ARRB1: variants seen among roughly 807,000 people sequenced by gnomAD.
The protein encoded by ARRB1 is beta-arrestin-1.
ARRB1 carries 21 observed loss-of-function variants against 56.8 expected under a neutral mutation model. That is an observed-to-expected ratio of 0.37 (90% CI 0.26 to 0.53). ARRB1 has a LOEUF of 0.53. Among genes scored for constraint, ARRB1 ranks in the 20% least tolerant of loss-of-function variants. ARRB1 has a pLI of 0.88. For missense variants in ARRB1, 424 were observed against 553.7 expected, an observed-to-expected ratio of 0.77 and a Z score of 2.35; for synonymous variants, 210 against 218.6, an observed-to-expected ratio of 0.96 and a Z score of 0.35.
At chr11:75,267,873 A>T (rs1401634765) in intron 14 of ARRB1, among the ~76,000 whole-genome samples, 170 bp from the exon 15 acceptor site, 1 of 152,092 alleles carries the variant, frequency 6.6e-6, no homozygotes, top group Admixed American at 6.5e-5. Flanking sequence ...AACACCCCAA[A>T]TCATCTGAAA....
intron 1 of ARRB1, among the ~76,000 whole-genome samples, chr11:75,293,005 C>T (rs1233501053): frequency 1.3e-5 from 2 of 151,974 alleles, no homozygotes; most frequent in Admixed American, 6.6e-5. Context: ...TTTTCCTAAA[C>T]CGGGTGTTTT....
At chr11:75,344,804 G>A (rs933101751) in intron 1 of ARRB1, among the ~76,000 whole-genome samples, 9 of 152,180 alleles carry the variant, frequency 5.9e-5, no homozygotes, top group South Asian at 2.1e-4. Context: ...AAAGAGTTCA[G>A]TCCAGTTCGA....
chr11:75,273,361 G>C (rs1214134569), intron 11 of ARRB1, among the ~76,000 whole-genome samples: 1 of 152,060 alleles, frequency 6.6e-6, no homozygotes, highest in South Asian at 2.1e-4. Flanking sequence ...GGGGTGGGGT[G>C]GGGTGGGGGC....
intron 1 of ARRB1, among the ~76,000 whole-genome samples, chr11:75,296,864 G>C (rs957685667): frequency 2.6e-5 from 4 of 152,090 alleles, no homozygotes; most frequent in Non-Finnish European, 5.9e-5. Context: ...TTTTAGTAGA[G>C]ATGGGGTTTC....
chr11:75,293,723 C>G (rs1240780905), intron 1 of ARRB1, among the ~76,000 whole-genome samples: 1 of 152,164 alleles, frequency 6.6e-6, no homozygotes, highest in Admixed American at 6.5e-5. Context: ...CCCCACCGCC[C>G]AGGGTAGCTC....
intron 1 of ARRB1, among the ~76,000 whole-genome samples, chr11:75,317,199 G>A (rs1947279365): frequency 6.6e-6 from 1 of 152,108 alleles, no homozygotes; most frequent in South Asian, 2.1e-4. Context: ...CTGGGTAACG[G>A]CCCCATTTCC....
intron 1 of ARRB1, among the ~76,000 whole-genome samples, chr11:75,295,045 G>A (rs1184878936): frequency 6.6e-6 from 1 of 151,934 alleles, no homozygotes; most frequent in Admixed American, 6.6e-5. Flanking sequence ...GCAACATGGT[G>A]AAACCCCATC....
At chr11:75,315,764 C>T (rs1248790643) in intron 1 of ARRB1, among the ~76,000 whole-genome samples, 1 of 152,200 alleles carries the variant, frequency 6.6e-6, no homozygotes, top group Non-Finnish European at 1.5e-5. Context: ...AGGCATCAGA[C>T]CATCCACCAG....
intron 1 of ARRB1, among the ~76,000 whole-genome samples, chr11:75,321,989 A>G (rs1947355142): frequency 6.6e-6 from 1 of 152,204 alleles, no homozygotes; most frequent in Admixed American, 6.5e-5. Flanking sequence ...GCGTTCCTAC[A>G]AGCAGGTAAC....
At position 75,268,925 on chromosome 11, in the gene ARRB1, G is replaced by A; in HGVS notation, c.1057C>T (p.His353Tyr). 6.2e-7 allele frequency: 1 copy of A among 1,611,684 alleles called. No individual in the cohort carries two copies. Among genetic ancestry groups the A allele is most frequent in the Non-Finnish European group, 8.5e-7 (1 of 1,179,386 alleles). ...VAVELPFTLM[H>Y]PKPKEEPPHR... ...GGGGGTTCCTCTTTGGGCTTGGGGT[G>A]CATTAGGGTGAAGGGCAGTTCCACG... is the stretch of plus-strand genomic sequence containing the variant. Residue 353 changes from histidine (H) to tyrosine (Y), a missense_variant, in exon 14 of 16, where the codon CAC becomes TAC. By Grantham distance (83) the His-to-Tyr change is moderately conservative (BLOSUM62 2). Around this residue, in one of 3 missense-constraint regions of ARRB1, gnomAD observed 121 missense variants for 147.3 expected, o/e 0.82. Coordinates refer to ENST00000420843, the MANE Select transcript of ARRB1 (RefSeq NM_004041.5).
At chr11:75,346,735 G>T (rs911877026) in intron 1 of ARRB1, among the ~76,000 whole-genome samples, 1 of 152,052 alleles carries the variant, frequency 6.6e-6, no homozygotes, top group African/African-American at 2.4e-5. Context: ...CCATACCCAG[G>T]CACTGGTGCT....
At chr11:75,318,488 G>A (rs1181060881) in intron 1 of ARRB1, among the ~76,000 whole-genome samples, 2 of 152,146 alleles carry the variant, frequency 1.3e-5, no homozygotes, top group African/African-American at 2.4e-5. Context: ...TCAGGAGTTC[G>A]AGACCAGCCT....
rs10557397 is a variant in ARRB1 at position 75,300,202 on chromosome 11, CAA to C, written c.21-10165_21-10164del. On this transcript the variant is annotated intron_variant, in intron 1 of 15. Coordinates refer to ENST00000420843, the MANE Select transcript of ARRB1 (RefSeq NM_004041.5). ...TGGGCAACACAGTGAGACTCTGTCT[CAA>C]AAAAAAAAAAAAAAAAAAGAAAGAA... 6.6e-3 allele frequency among the ~76,000 whole-genome samples: 572 copies of C among 87,290 alleles called. 1 individual carries two copies. The highest frequency in any genetic ancestry group is 8.4e-3 in the Non-Finnish European group (338 of 40,478). The allele number at this position is 87,290 out of a possible 152,430, so 57.3% of individuals were successfully genotyped here.
At chr11:75,328,043 C>T (rs1342447832) in intron 1 of ARRB1, among the ~76,000 whole-genome samples, 3 of 152,222 alleles carry the variant, frequency 2.0e-5, no homozygotes. Context: ...CTAGATCCAA[C>T]GCATTTCCAT....
Position 75,337,063 on chromosome 11 carries a change from G to A in ARRB1, c.20+14525C>T, listed in dbSNP as rs79577711. ...CATGTTCTAGGTATTCAGGAAATGC[G>A]TGAAGGGAGAGAGGGAGATCTAAGC... On this transcript the variant is annotated intron_variant, in intron 1 of 15. Transcript: ENST00000420843. 5.7e-3 allele frequency among the ~76,000 whole-genome samples: 876 copies of A among 152,352 alleles called. 8 individuals carry two copies. The highest frequency in any genetic ancestry group is 9.8e-3 in the Admixed American group (150 of 15,310).
intron 1 of ARRB1, among the ~76,000 whole-genome samples, chr11:75,320,095 CAGG>C (rs933828614): frequency 4.6e-5 from 7 of 152,164 alleles, no homozygotes; most frequent in African/African-American, 1.7e-4. Context: ...CCTCTTCTCC[CAGG>C]AGATTTGGGC....
In ARRB1 at chr11:75,262,308, C is replaced by T. The variant is rs1945810655; in HGVS notation, c.*3855G>A. On this transcript the variant is annotated 3_prime_UTR_variant, in exon 16 of 16. Transcript: ENST00000420843. ...GATGTGACACCAGGCCTAGGAGGGT[C>T]CAAGATGTCCCCCTCCACCAATCAC... 1.3e-5 allele frequency: 2 copies of T among 152,202 alleles called. No homozygotes were observed. The highest frequency in any genetic ancestry group is 4.1e-4 in the South Asian group (2 of 4,828). 9.4% of individuals were successfully genotyped at this position (152,202 alleles called of 1,614,324 possible). A position where few individuals can be genotyped will look rare whatever the true frequency, so the allele number is the denominator to read the frequency against.
intron 1 of ARRB1, among the ~76,000 whole-genome samples, chr11:75,321,354 T>C (rs959232791): frequency 3.4e-5 from 5 of 146,494 alleles, no homozygotes; most frequent in African/African-American, 1.3e-4. Flanking sequence ...GTCAGGAAAG[T>C]AGGCAGCCAG....
intron 1 of ARRB1, among the ~76,000 whole-genome samples, chr11:75,301,430 G>T (rs1252286320): frequency 6.6e-6 from 1 of 152,214 alleles, no homozygotes; most frequent in Non-Finnish European, 1.5e-5. Context: ...GGGCTGTGAA[G>T]GGCCTTGAGT....
Sources: allele counts gnomAD v4.1 joint callset (sites outside exome capture counted in the v4.1 genomes callset), GRCh38; gene constraint gnomAD v4.1.1; regional missense constraint gnomAD v4.1.1; transcripts MANE v1.5; gene names NCBI Gene and HGNC (gene_info 2026-07-23, HGNC 2026-07-21).